The following BAZ2B variants were observed in gnomAD, a reference collection of about 807,000 sequenced individuals.
BAZ2B encodes bromodomain adjacent to zinc finger domain 2B.
Under a neutral mutation model 246.0 loss-of-function variants are expected in BAZ2B, and 91 were observed. The observed-to-expected ratio is 0.37, with a 90% CI of 0.31 to 0.44. BAZ2B has a LOEUF of 0.44. Among genes scored for constraint, BAZ2B ranks in the 20% least tolerant of loss-of-function variants. The pLI is 1.00. For synonymous variants in BAZ2B, 855 were observed against 860.0 expected (o/e 0.99, Z 0.10); for missense variants, 2,332 against 2,533.7 (o/e 0.92, Z 1.71).
At chr2:159,396,442 T>TTACTGATGTCTGCCACCTGATAC in intron 19 of BAZ2B, 1 of 152,310 alleles carries the variant, frequency 6.6e-6, no homozygotes, top group South Asian at 2.1e-4. Context: ...ATATTCCTAT[T>TTACTGATGTCTGCCACCTGATAC]TACTGATGTC....
the BAZ2B span, among the ~76,000 whole-genome samples, chr2:159,646,163 T>G: frequency 1.3e-5 from 2 of 152,150 alleles, no homozygotes; most frequent in East Asian, 3.8e-4. Flanking sequence ...AAGGGGGCCA[T>G]TTTAGAGGCC....
intron 3 of BAZ2B, among the ~76,000 whole-genome samples, chr2:159,465,570 T>C (rs534378527): frequency 6.6e-6 from 1 of 152,320 alleles, no homozygotes; most frequent in Admixed American, 6.5e-5. Flanking sequence ...CTGAAAATAC[T>C]TGTGATCAAA....
At chr2:159,525,404 C>T (rs1162551953) in intron 2 of BAZ2B, among the ~76,000 whole-genome samples, 6 of 152,184 alleles carry the variant, frequency 3.9e-5, no homozygotes, top group Non-Finnish European at 8.8e-5. Context: ...ATTTGAAAAG[C>T]TCCAAGATCT....
At chr2:159,337,114 C>T (rs1192123441) in intron 32 of BAZ2B, 37 bp from the exon 33 acceptor site, 1 of 1,581,748 alleles carries the variant, frequency 6.3e-7, no homozygotes, top group Admixed American at 1.8e-5. Flanking sequence ...TAGGTCATGT[C>T]CACACTTACG....
intron 1 of BAZ2B, among the ~76,000 whole-genome samples, chr2:159,613,535 C>G (rs2151828191): frequency 6.6e-6 from 1 of 150,594 alleles, no homozygotes; most frequent in South Asian, 2.1e-4. Context: ...GTTTCAAATA[C>G]TTGTAAAAAT....
chr2:159,363,402 G>C (rs1465256134), intron 27 of BAZ2B, among the ~76,000 whole-genome samples: 1 of 152,188 alleles, frequency 6.6e-6, no homozygotes. Context: ...TCTTGGTGCA[G>C]AGAATGTTGG....
chr2:159,493,017 C>T (rs969033381), intron 2 of BAZ2B, among the ~76,000 whole-genome samples: 5 of 152,114 alleles, frequency 3.3e-5, no homozygotes, highest in African/African-American at 1.2e-4. Context: ...ATACAGTAAA[C>T]TAGTAAAACT....
intron 36 of BAZ2B, among the ~76,000 whole-genome samples, chr2:159,323,554 G>A (rs1010883284): frequency 1.3e-5 from 2 of 151,970 alleles, no homozygotes; most frequent in African/African-American, 4.8e-5. Context: ...TGTAATCCCA[G>A]CACTTTAGGA....
chr2:159,587,932 GT>G (rs11345878), intron 1 of BAZ2B, among the ~76,000 whole-genome samples: 140,496 of 152,170 alleles, frequency 0.92, 65,361 homozygotes, highest in East Asian at 1. Context: ...GGTAATGCCT[GT>G]TAATACCAAC....
At position 159,593,948 on chromosome 2, in the gene BAZ2B, A is replaced by G. The variant is rs565182099; in HGVS notation, c.-46+22294T>C. Among the ~76,000 whole-genome samples, 3 of 152,360 alleles carry G rather than the reference A, an allele frequency of 2.0e-5. No homozygotes were observed. In the East Asian group the frequency reaches 5.8e-4, roughly 29 times the overall value. ...GTTTTAGAAATTAGAGATCGAGCACATACTTTAACCATTTTTAAGTGTACA... is the reference window on the plus strand; with the variant it reads ...GTTTTAGAAATTAGAGATCGAGCACGTACTTTAACCATTTTTAAGTGTACA... On this transcript the variant is annotated intron_variant, in intron 1 of 36. Coordinates refer to ENST00000392783, the MANE Select transcript of BAZ2B (RefSeq NM_013450.4).
At chr2:159,417,902 C>T (rs554748257) in intron 13 of BAZ2B, among the ~76,000 whole-genome samples, 49 of 152,232 alleles carry the variant, frequency 3.2e-4, no homozygotes, top group East Asian at 7.7e-4. Flanking sequence ...AAAGTTGTCT[C>T]AACTGTCCAT....
Position 159,404,926 on chromosome 2 carries a change from G to C in BAZ2B, c.2771-16C>G. On this transcript the variant is annotated splice_polypyrimidine_tract_variant and intron_variant, in intron 15 of 36. Transcript: ENST00000392783. ...GCCATTATTGCTACAAGAAACCAAA[G>C]GATAGATATCATCAAAAAGGGAATG... 6.2e-7 allele frequency: 1 copy of C among 1,613,166 alleles called. No homozygotes were observed. Among genetic ancestry groups the C allele is most frequent in the South Asian group, 1.1e-5 (1 of 90,974 alleles).
intron 2 of BAZ2B, among the ~76,000 whole-genome samples, chr2:159,496,621 A>G (rs1264560836): frequency 2.0e-5 from 3 of 151,236 alleles, no homozygotes; most frequent in African/African-American, 4.9e-5. Flanking sequence ...CATCTCTACT[A>G]AAAACACAAA....
the BAZ2B span, among the ~76,000 whole-genome samples, chr2:159,629,180 G>A: frequency 2.6e-5 from 4 of 152,202 alleles, no homozygotes; most frequent in Non-Finnish European, 5.9e-5. Context: ...AACAACAGAT[G>A]CTGGGGAGAA....
At chr2:159,567,761 C>G (rs1333559642) in intron 1 of BAZ2B, among the ~76,000 whole-genome samples, 2 of 152,278 alleles carry the variant, frequency 1.3e-5, no homozygotes, top group African/African-American at 4.8e-5. Flanking sequence ...CTCACGAGGT[C>G]AAGAGATCGA....
intron 1 of BAZ2B, among the ~76,000 whole-genome samples, chr2:159,581,279 C>G (rs559412911): frequency 8.5e-5 from 13 of 152,292 alleles, no homozygotes; most frequent in African/African-American, 3.1e-4. Context: ...ACAGACACTT[C>G]TCAAAAGAAG....
At chr2:159,604,494 G>A (rs56080634) in intron 1 of BAZ2B, among the ~76,000 whole-genome samples, 21,000 of 152,162 alleles carry the variant, frequency 0.14, 1,668 homozygotes, top group East Asian at 0.36. Context: ...CATCTAAAAT[G>A]TAATAGAATT....
intron 3 of BAZ2B, among the ~76,000 whole-genome samples, chr2:159,454,814 C>G (rs1046774425): frequency 1.3e-5 from 2 of 152,144 alleles, no homozygotes; most frequent in East Asian, 3.8e-4. Flanking sequence ...TTAGCTTTCT[C>G]TGAGTAAGAC....
At chr2:159,350,832 C>T (rs1405941070) in intron 27 of BAZ2B, among the ~76,000 whole-genome samples, 1 of 150,834 alleles carries the variant, frequency 6.6e-6, no homozygotes, top group African/African-American at 2.4e-5. Context: ...CTTGGCCTCC[C>T]AAAGTGCAGG....
Sources: gnomAD v4.1 joint callset for allele counts (sites outside exome capture counted in the v4.1 genomes callset) on GRCh38, gnomAD v4.1.1 for gene constraint, MANE v1.5 for transcripts, NCBI Gene and HGNC (gene_info 2026-07-23, HGNC 2026-07-21) for gene names.